Variants in GLIS1 observed in about 807,000 individuals in gnomAD.
GLIS1 encodes GLIS family zinc finger 1.
In GLIS1, 24 loss-of-function variants were observed where a neutral mutation model predicts 63.8. The ratio of observed to expected loss-of-function variants is 0.38; its 90% CI spans 0.27 to 0.53. The LOEUF is 0.53. Among genes scored for constraint, GLIS1 ranks in the 20% least tolerant of loss-of-function variants. The probability of loss-of-function intolerance (pLI) is 0.85; values close to 1 mark genes in which losing one functional copy is unlikely to be tolerated. For synonymous variants in GLIS1, 450 were observed against 482.5 expected (o/e 0.93, Z 0.88); for missense variants, 1,036 against 1,074.1 (o/e 0.96, Z 0.50).
intron 4 of GLIS1, among the ~76,000 whole-genome samples, chr1:53,593,591 T>C (rs3013756): frequency 0.91 from 138,024 of 152,236 alleles, 63,744 homozygotes; most frequent in Non-Finnish European, 0.99. Context: ...CCTGGGGACC[T>C]GCAGCTCTCG....
At chr1:53,676,717 C>A (rs1646216610) in intron 2 of GLIS1, among the ~76,000 whole-genome samples, 1 of 152,192 alleles carries the variant, frequency 6.6e-6, no homozygotes. Flanking sequence ...TCCAGCTTTT[C>A]ACGTGTGCGT....
intron 2 of GLIS1, among the ~76,000 whole-genome samples, chr1:53,720,772 C>T (rs12031700): frequency 0.11 from 16,732 of 152,128 alleles, 1,081 homozygotes; most frequent in East Asian, 0.24. Context: ...TATTATGTAT[C>T]AATTTTAAAA....
intron 2 of GLIS1, among the ~76,000 whole-genome samples, chr1:53,649,719 T>C (rs924348622): frequency 1.3e-5 from 2 of 152,238 alleles, no homozygotes; most frequent in Admixed American, 1.3e-4. Context: ...ACAGTATTGA[T>C]AAATACAATA....
chr1:53,521,876 A>G (rs960766635), intron 6 of GLIS1, among the ~76,000 whole-genome samples: 6 of 152,230 alleles, frequency 3.9e-5, no homozygotes, highest in African/African-American at 1.4e-4. Context: ...CCCTTCTCTC[A>G]GGGAAATCCC....
chr1:53,594,883 G>T lies in GLIS1; in HGVS notation c.545C>A (p.Ser182Tyr). Residue 182 changes from serine (S) to tyrosine (Y), a missense_variant, in exon 4 of 11, where the codon TCC becomes TAC. By Grantham distance (144) the Ser-to-Tyr change is moderately radical. Around this residue, in one of 3 missense-constraint regions of GLIS1, gnomAD observed 592 missense variants for 593.9 expected, o/e 1.00. Transcript: ENST00000628545. ...CGGGCCCCGACAGTGGGCAGACAGG[G>T]ATGTGCGGGCCTCTGCCATGGCTTG... ...DYQAMAEART[S>Y]LSAHCRGPLA... 6.4e-7 allele frequency: 1 copy of T among 1,561,718 alleles called. No homozygotes were observed. The highest frequency in any genetic ancestry group is 8.6e-7 in the Non-Finnish European group (1 of 1,161,056).
At chr1:53,551,789 T>C (rs1483062656) in intron 4 of GLIS1, among the ~76,000 whole-genome samples, 1 of 152,122 alleles carries the variant, frequency 6.6e-6, no homozygotes, top group Non-Finnish European at 1.5e-5. Flanking sequence ...CTCTGCCCTC[T>C]GTGCCCACCG....
At chr1:53,579,275 C>A (rs1294485475) in intron 4 of GLIS1, among the ~76,000 whole-genome samples, 2 of 152,220 alleles carry the variant, frequency 1.3e-5, no homozygotes, top group Non-Finnish European at 2.9e-5. Flanking sequence ...TTGCCCCCTG[C>A]CCAGCTTCCT....
intron 2 of GLIS1, among the ~76,000 whole-genome samples, chr1:53,661,447 G>A (rs115876517): frequency 0.01 from 1,596 of 152,242 alleles, 19 homozygotes; most frequent in African/African-American, 0.037. Flanking sequence ...AAGCCTAATT[G>A]GTTTTTATTA....
At chr1:53,607,152 C>T (rs1325333294) in intron 2 of GLIS1, among the ~76,000 whole-genome samples, 2 of 152,162 alleles carry the variant, frequency 1.3e-5, no homozygotes, top group African/African-American at 2.4e-5. Context: ...TAGATATCAC[C>T]TATAAGGCTA....
At position 53,514,658 on chromosome 1, in the gene GLIS1, G is replaced by A; in HGVS notation, c.1850C>T (p.Ser617Phe). The A allele has an allele frequency of 6.2e-7, 1 of 1,613,878 alleles. No homozygotes were observed. Reference sequence around the variant, plus strand: ...GGTGCTCTCAGCCATGGGCAGAGGGGACAGATGGTGGTGGGAACTGGTGGT... The same window carrying A: ...GGTGCTCTCAGCCATGGGCAGAGGGAACAGATGGTGGTGGGAACTGGTGGT... ...DATTSSHHHL[S>F]PLPMAESTRD... The change falls in exon 8 of 11, where the codon TCC (serine) becomes TTC (phenylalanine). Residue 617 changes from serine to phenylalanine, a missense_variant. By Grantham distance (155) the Ser-to-Phe change is radical. Transcript: ENST00000628545.
intron 2 of GLIS1, among the ~76,000 whole-genome samples, chr1:53,662,324 C>T (rs532229941): frequency 2.2e-3 from 331 of 152,250 alleles, no homozygotes; most frequent in Non-Finnish European, 4.0e-3. Context: ...AGTGGGCCCC[C>T]GCAGGACCCA....
intron 2 of GLIS1, among the ~76,000 whole-genome samples, chr1:53,691,363 A>T (rs750156134): frequency 6.6e-6 from 1 of 152,006 alleles, no homozygotes; most frequent in Non-Finnish European, 1.5e-5. Context: ...CCACCACCAC[A>T]TGAGACACAC....
At chr1:53,720,579 A>T (rs1447891474) in intron 2 of GLIS1, among the ~76,000 whole-genome samples, 1 of 152,190 alleles carries the variant, frequency 6.6e-6, no homozygotes, top group Non-Finnish European at 1.5e-5. Flanking sequence ...ATTTGGTAGT[A>T]CAGTAAAGTG....
chr1:53,641,873 CT>C (rs1450399601), intron 2 of GLIS1, among the ~76,000 whole-genome samples: 4 of 152,234 alleles, frequency 2.6e-5, no homozygotes, highest in Admixed American at 1.3e-4. Flanking sequence ...ACCTCCACAG[CT>C]TGCACATCAT....
intron 2 of GLIS1, among the ~76,000 whole-genome samples, chr1:53,715,269 C>T (rs1014125354): frequency 2.0e-5 from 3 of 152,134 alleles, no homozygotes; most frequent in African/African-American, 4.8e-5. Flanking sequence ...CAGAGAAGAC[C>T]CTTCTGGGAG....
chr1:53,520,373 C>T (rs1256787629), intron 7 of GLIS1, among the ~76,000 whole-genome samples: 4 of 152,296 alleles, frequency 2.6e-5, no homozygotes, highest in South Asian at 2.1e-4. Flanking sequence ...CAGGCTGAGA[C>T]GGGTGAGGGC....
rs564083862 is a variant in GLIS1, at chr1:53,561,421, A to C, written c.1321-31469T>G. On this transcript the variant is annotated intron_variant, in intron 4 of 10. Coordinates refer to ENST00000628545, the MANE Select transcript of GLIS1 (RefSeq NM_001367484.1). ...TAATTGGATCCTCAGCCTACACTGT[A>C]AATCAGACCAAAGTGTGGGCAATCT... Among the ~76,000 whole-genome samples the C allele has an allele frequency of 2.6e-5, 4 of 152,376 alleles. No homozygotes were observed. In the East Asian group the frequency reaches 7.7e-4, roughly 29 times the overall value.
At chr1:53,545,231 A>G (rs1644685948) in intron 4 of GLIS1, among the ~76,000 whole-genome samples, 1 of 152,294 alleles carries the variant, frequency 6.6e-6, no homozygotes, top group African/African-American at 2.4e-5. Flanking sequence ...TCAACACGGC[A>G]GTAACACAGT....
At position 53,669,946 on chromosome 1, in the gene GLIS1, C is replaced by A. The variant is rs370845903; in HGVS notation, c.259+67860G>T. On this transcript the variant is annotated intron_variant, in intron 2 of 10. Coordinates refer to ENST00000628545, the MANE Select transcript of GLIS1 (RefSeq NM_001367484.1). Reference sequence around the variant, plus strand: ...ACAGCAGCTTGCAGCCCAGCCAAGGCCCAGCCAGCTTGTTTTGTCAGACAA... The same window carrying A: ...ACAGCAGCTTGCAGCCCAGCCAAGGACCAGCCAGCTTGTTTTGTCAGACAA... Among the ~76,000 whole-genome samples, 443 of 143,364 alleles carry A rather than the reference C, an allele frequency of 3.1e-3. 1 individual carries two copies. The highest frequency in any genetic ancestry group is 0.011 in the African/African-American group (421 of 39,202). 94.1% of individuals were successfully genotyped at this position (143,364 alleles called of 152,430 possible). A position where few individuals can be genotyped will look rare whatever the true frequency, so the allele number is the denominator to read the frequency against.
Sources: gnomAD v4.1 joint callset for allele counts (sites outside exome capture counted in the v4.1 genomes callset) on GRCh38, gnomAD v4.1.1 for gene constraint, gnomAD v4.1.1 regional missense constraint, MANE v1.5 for transcripts, NCBI Gene and HGNC (gene_info 2026-07-23, HGNC 2026-07-21) for gene names.